The following PTN variants were observed in gnomAD, a reference collection of about 807,000 sequenced individuals.
PTN encodes the protein pleiotrophin.
In PTN, 18 loss-of-function variants were observed where a neutral mutation model predicts 24.1. That is an observed-to-expected ratio of 0.75 (90% CI 0.52 to 1.11). The LOEUF (loss-of-function observed/expected upper bound fraction) is 1.11, where lower values mean the gene tolerates loss of function less well. Ranked by LOEUF, PTN falls within the 50% of genes least tolerant of loss-of-function variation. The pLI is 0.00. For synonymous variants in PTN, 78 were observed against 68.6 expected (o/e 1.14, Z -0.67); for missense variants, 163 against 198.8 (o/e 0.82, Z 1.08).
At chr7:137,298,070 T>C (rs1468797324) in intron 1 of PTN, among the ~76,000 whole-genome samples, 1 of 151,968 alleles carries the variant, frequency 6.6e-6, no homozygotes, top group Non-Finnish European at 1.5e-5. Context: ...ATAAAGTACC[T>C]GGGTCAAGGA....
At chr7:137,316,824 C>T (rs1267962043) in intron 1 of PTN, among the ~76,000 whole-genome samples, 1 of 152,156 alleles carries the variant, frequency 6.6e-6, no homozygotes, top group Non-Finnish European at 1.5e-5. Context: ...AACAGGGCTG[C>T]ACTCATGAGG....
chr7:137,343,514 G>A lies in PTN; in HGVS notation c.-77C>T, dbSNP rs1266381618. The stretch of plus-strand genomic sequence containing the variant: ...GGCGAGGTTGCTACCGCTGAGTCCA[G>A]GTACCCGGCTCGCTGCAGCTCCTGC... On this transcript the variant is annotated 5_prime_UTR_variant, in exon 1 of 5. Transcript: ENST00000348225. 1.9e-6 allele frequency: 1 copy of A among 518,924 alleles called. No homozygotes were observed. Among genetic ancestry groups the A allele is most frequent in the Non-Finnish European group, 3.8e-6 (1 of 259,850 alleles). The allele number at this position is 518,924 out of a possible 1,614,324, so 32.1% of individuals were successfully genotyped here.
At position 137,235,420 on chromosome 7, in the gene PTN, T is replaced by G. The variant is rs143612639; in HGVS notation, c.452-7345A>C. Among the ~76,000 whole-genome samples, 3 of 152,250 alleles carry G rather than the reference T, an allele frequency of 2.0e-5. No homozygotes were observed. In the East Asian group the frequency reaches 5.8e-4, roughly 29 times the overall value. On this transcript the variant is annotated intron_variant, in intron 4 of 4. Transcript: ENST00000348225. Reference sequence around the variant, plus strand: ...GCTAGGCTGCCTAACGTGGCACTGTTCATTCAATTTCCAAATATTTCAGTT... The same window carrying G: ...GCTAGGCTGCCTAACGTGGCACTGTGCATTCAATTTCCAAATATTTCAGTT...
chr7:137,327,622 C>T (rs1029572702), intron 1 of PTN, among the ~76,000 whole-genome samples: 11 of 152,010 alleles, frequency 7.2e-5, no homozygotes, highest in Non-Finnish European at 1.5e-4. Context: ...ATAGCAAGAC[C>T]CCATCTCTAA....
intron 4 of PTN, among the ~76,000 whole-genome samples, chr7:137,229,698 C>A (rs1563192137): frequency 6.6e-6 from 1 of 151,732 alleles, no homozygotes; most frequent in Non-Finnish European, 1.5e-5. Context: ...AAGTTTGCCC[C>A]ATTTCTATAC....
At chr7:137,304,629 T>C (rs942774744) in intron 1 of PTN, among the ~76,000 whole-genome samples, 2 of 151,834 alleles carry the variant, frequency 1.3e-5, no homozygotes, top group African/African-American at 4.8e-5. Flanking sequence ...AAGCTGCAAG[T>C]TCTCAAAAAT....
chr7:137,297,708 C>T (rs1443584879), intron 1 of PTN, among the ~76,000 whole-genome samples: 1 of 152,016 alleles, frequency 6.6e-6, no homozygotes, highest in Non-Finnish European at 1.5e-5. Flanking sequence ...GAATTCCCGA[C>T]AGTTCCTCCA....
At chr7:137,278,123 C>T (rs1004483298) in intron 1 of PTN, among the ~76,000 whole-genome samples, 1 of 150,450 alleles carries the variant, frequency 6.6e-6, no homozygotes. Context: ...CTGGCTAACA[C>T]GGTGAAACCC....
At chr7:137,339,390 A>T (rs1810498120) in intron 1 of PTN, among the ~76,000 whole-genome samples, 1 of 152,028 alleles carries the variant, frequency 6.6e-6, no homozygotes, top group Non-Finnish European at 1.5e-5. Context: ...AATATTGTTA[A>T]ATTGGCTGGC....
intron 1 of PTN, among the ~76,000 whole-genome samples, chr7:137,317,411 A>G (rs1810090317): frequency 6.6e-6 from 1 of 152,228 alleles, no homozygotes; most frequent in Admixed American, 6.5e-5. Context: ...AAATTTTCTA[A>G]CTAACTGAGA....
In PTN at chr7:137,319,203, A is replaced by G. The variant is rs141323497; in HGVS notation, c.-2+24236T>C. On this transcript the variant is annotated intron_variant, in intron 1 of 4. Coordinates refer to ENST00000348225, the MANE Select transcript of PTN (RefSeq NM_002825.7). ...AAAGACCTTCTGCAGTTTACTTAAT[A>G]TCCCTCAGCCTCGAATTCCTCATCT... is the stretch of plus-strand genomic sequence containing the variant. Among the ~76,000 whole-genome samples, 543 of 152,324 alleles carry G rather than the reference A, an allele frequency of 3.6e-3. 3 individuals are homozygous for G. The highest frequency in any genetic ancestry group is 0.01 in the African/African-American group (433 of 41,578).
intron 1 of PTN, among the ~76,000 whole-genome samples, chr7:137,259,695 G>A (rs982946752): frequency 1.8e-4 from 27 of 151,636 alleles, no homozygotes; most frequent in Admixed American, 2.6e-4. Flanking sequence ...AAGGGACAGA[G>A]AGAGAGAGAC....
At chr7:137,262,820 T>C (rs993690161) in intron 1 of PTN, among the ~76,000 whole-genome samples, 5 of 152,142 alleles carry the variant, frequency 3.3e-5, no homozygotes, top group African/African-American at 1.2e-4. Flanking sequence ...CAACAGTTGC[T>C]AGGTCAGGGG....
intron 1 of PTN, among the ~76,000 whole-genome samples, chr7:137,281,329 T>C (rs1809470939): frequency 6.6e-6 from 1 of 151,990 alleles, no homozygotes; most frequent in African/African-American, 2.4e-5. Context: ...CTTTCACTCA[T>C]AAAAGAGTAA....
At chr7:137,242,150 C>CA (rs959174929) in intron 4 of PTN, among the ~76,000 whole-genome samples, 4 of 152,128 alleles carry the variant, frequency 2.6e-5, no homozygotes, top group African/African-American at 9.7e-5. Flanking sequence ...TTCCTGACCC[C>CA]TTTTTTCCCA....
chr7:137,301,106 G>C (rs951306487), intron 1 of PTN, among the ~76,000 whole-genome samples: 21 of 151,974 alleles, frequency 1.4e-4, no homozygotes, highest in Non-Finnish European at 2.9e-4. Flanking sequence ...GTAAAATGTA[G>C]CTTCTGCTAA....
At chr7:137,238,118 G>C (rs1334879943) in intron 4 of PTN, among the ~76,000 whole-genome samples, 1 of 152,090 alleles carries the variant, frequency 6.6e-6, no homozygotes, top group Non-Finnish European at 1.5e-5. Flanking sequence ...TCTGTGCACT[G>C]AACAACAACA....
At chr7:137,326,695 T>C (rs1277769946) in intron 1 of PTN, 1 of 152,198 alleles carries the variant, frequency 6.6e-6, no homozygotes, top group Non-Finnish European at 1.5e-5. Context: ...TAGGAGACAC[T>C]ACCTCCTGGA....
At chr7:137,322,509 CAATAGG>C (rs893014165) in intron 1 of PTN, among the ~76,000 whole-genome samples, 1 of 151,946 alleles carries the variant, frequency 6.6e-6, no homozygotes, top group Non-Finnish European at 1.5e-5. Context: ...CCTTAATTAT[CAATAGG>C]AAAATTATGG....
Sources: gnomAD v4.1 joint callset for allele counts (sites outside exome capture counted in the v4.1 genomes callset) on GRCh38, gnomAD v4.1.1 for gene constraint, MANE v1.5 for transcripts, NCBI Gene and HGNC (gene_info 2026-07-23, HGNC 2026-07-21) for gene names.